KCNMB2: variants seen among roughly 807,000 people sequenced by gnomAD.
KCNMB2 encodes the protein calcium-activated potassium channel subunit beta-2.
A neutral mutation model predicts 24.5 loss-of-function variants in KCNMB2; 9 were observed. That is an observed-to-expected ratio of 0.37 (90% CI 0.22 to 0.64). The LOEUF (loss-of-function observed/expected upper bound fraction) is 0.64. KCNMB2 is among the 30% of genes least tolerant of loss of function. The pLI, the probability that KCNMB2 is intolerant of heterozygous loss-of-function variation, is 0.63. For missense variants in KCNMB2, 226 were observed against 284.3 expected (o/e 0.79, Z 1.47); for synonymous variants, 109 against 104.4 (o/e 1.04, Z -0.27).
chr3:178,758,042 CTAGATATATATATATA>C (rs770419154), intron 1 of KCNMB2, among the ~76,000 whole-genome samples: 442 of 2,630 alleles, frequency 0.17, 65 homozygotes, highest in East Asian at 0.31. Flanking sequence ...ATATATATAT[CTAGATATATATATATA>C]TCTCCAAGAG....
intron 1 of KCNMB2, among the ~76,000 whole-genome samples, chr3:178,798,224 G>C (rs1191625868): frequency 2.0e-5 from 3 of 152,068 alleles, no homozygotes; most frequent in Non-Finnish European, 4.4e-5. Flanking sequence ...GTTTTCAAGG[G>C]GAAGGCTTCC....
chr3:178,715,131 T>C (rs1235750926), intron 1 of KCNMB2, among the ~76,000 whole-genome samples: 3 of 152,194 alleles, frequency 2.0e-5, no homozygotes, highest in South Asian at 2.1e-4. Flanking sequence ...ATTTGAATAA[T>C]GGCCTGTGTT....
At chr3:178,651,971 G>T (rs551031020) in intron 1 of KCNMB2, among the ~76,000 whole-genome samples, 2 of 152,120 alleles carry the variant, frequency 1.3e-5, no homozygotes, top group Non-Finnish European at 2.9e-5. Context: ...AAAAACCCTA[G>T]AAGAAAACCT....
chr3:178,820,775 A>G (rs1477608105), intron 2 of KCNMB2: 1 of 152,366 alleles, frequency 6.6e-6, no homozygotes, highest in East Asian at 1.9e-4. Flanking sequence ...TGTTTACAAG[A>G]TATTTATCAC....
intron 3 of KCNMB2, 27 bp from the exon 4 acceptor site, chr3:178,828,151 T>C (rs1560038077): frequency 1.9e-6 from 3 of 1,573,606 alleles, no homozygotes; most frequent in Non-Finnish European, 2.6e-6. Flanking sequence ...CTTGGGCCTG[T>C]GTTTACTCTC....
chr3:178,540,787 C>A (rs2108446125), intron 1 of KCNMB2, among the ~76,000 whole-genome samples: 1 of 152,292 alleles, frequency 6.6e-6, no homozygotes, highest in Admixed American at 6.5e-5. Context: ...CCAGACAATG[C>A]TTTCTTTTTC....
intron 1 of KCNMB2, among the ~76,000 whole-genome samples, chr3:178,575,948 T>A (rs1191998970): frequency 2.0e-5 from 3 of 152,138 alleles, no homozygotes; most frequent in Non-Finnish European, 4.4e-5. Context: ...AGAAATATGA[T>A]TTTTAAGTCA....
At position 178,717,273 on chromosome 3, in the gene KCNMB2, AC is replaced by A. The variant is rs201452969; in HGVS notation, c.-67-90068del. Among the ~76,000 whole-genome samples the A allele has an allele frequency of 6.5e-3, 992 of 152,182 alleles. 16 individuals carry two copies. Among genetic ancestry groups the A allele is most frequent in the African/African-American group, 0.023 (939 of 41,528 alleles). On this transcript the variant is annotated intron_variant, in intron 1 of 4. Transcript: ENST00000452583. ...ACTTCCAGCACCACTGTGTTCATGAACCATTTACCTTCATCCTGCTTGCACC... is the reference window on the plus strand; with the variant it reads ...ACTTCCAGCACCACTGTGTTCATGAACATTTACCTTCATCCTGCTTGCACC...
intron 1 of KCNMB2, among the ~76,000 whole-genome samples, chr3:178,623,333 T>C (rs141664410): frequency 2.9e-3 from 440 of 152,302 alleles, no homozygotes; most frequent in South Asian, 8.7e-3. Context: ...AAAAGAAATG[T>C]TTGAAGCATT....
At chr3:178,784,694 A>T (rs13073878) in intron 1 of KCNMB2, among the ~76,000 whole-genome samples, 16,697 of 151,072 alleles carry the variant, frequency 0.11, 1,012 homozygotes, top group Non-Finnish European at 0.13. Flanking sequence ...ATCCAAAGAG[A>T]ATCATTATTC....
chr3:178,825,702 C>T lies in KCNMB2; in HGVS notation c.171C>T (p.Cys57=), dbSNP rs761741368. Residue 57 remains cysteine (C), a synonymous_variant, in exon 3 of 5, where the codon TGC becomes TGT. Transcript: ENST00000452583. The part of the protein sequence containing the change: ...AILLGLAMMV[C]SIMMYFLLGI... Reference sequence around the variant, plus strand: ...TCCTGGGACTGGCTATGATGGTGTGCTCCATCATGATGTATTTTCTGCTGG... The same window carrying T: ...TCCTGGGACTGGCTATGATGGTGTGTTCCATCATGATGTATTTTCTGCTGG... 6.2e-7 allele frequency: 1 copy of T among 1,613,836 alleles called. No individual in the cohort carries two copies. The highest frequency in any genetic ancestry group is 2.2e-5 in the East Asian group (1 of 44,888).
chr3:178,556,213 A>G (rs1049824971), intron 1 of KCNMB2, among the ~76,000 whole-genome samples: 1 of 152,218 alleles, frequency 6.6e-6, no homozygotes, highest in Non-Finnish European at 1.5e-5. Flanking sequence ...AGATGAGGAT[A>G]TATCCTGGTG....
chr3:178,707,901 C>A (rs1722331154), intron 1 of KCNMB2, among the ~76,000 whole-genome samples: 1 of 152,158 alleles, frequency 6.6e-6, no homozygotes, highest in Non-Finnish European at 1.5e-5. Context: ...CCAGGACAGT[C>A]CAAGTAAGGC....
At chr3:178,677,434 C>T (rs1359533428) in intron 1 of KCNMB2, among the ~76,000 whole-genome samples, 2 of 152,194 alleles carry the variant, frequency 1.3e-5, no homozygotes, top group African/African-American at 2.4e-5. Context: ...TAAGCCTGGG[C>T]ACGTGGGAAG....
intron 1 of KCNMB2, among the ~76,000 whole-genome samples, chr3:178,780,344 C>T (rs570934897): frequency 3.3e-4 from 51 of 152,268 alleles, no homozygotes; most frequent in East Asian, 2.1e-3. Context: ...TTTTCTCCAA[C>T]GATCTTAATC....
chr3:178,759,602 A>AGGATATATATACATATATCTCTCTCCAC lies in KCNMB2; in HGVS notation c.-67-47740_-67-47739insGATATATATACATATATCTCTCTCCACG, dbSNP rs1560009304. Among the ~76,000 whole-genome samples, 34 of 109,156 alleles carry AGGATATATATACATATATCTCTCTCCAC rather than the reference A, an allele frequency of 3.1e-4. 2 individuals are homozygous for AGGATATATATACATATATCTCTCTCCAC. Among genetic ancestry groups the AGGATATATATACATATATCTCTCTCCAC allele is most frequent in the South Asian group, 1.4e-3 (5 of 3,496 alleles). The allele number at this position is 109,156 out of a possible 152,430, so 71.6% of individuals were successfully genotyped here. Reference sequence around the variant, plus strand: ...ATATATATACATATATCTCTCTCCAAGAGGATATATATACATATATCTCTC... The same window carrying AGGATATATATACATATATCTCTCTCCAC: ...ATATATATACATATATCTCTCTCCAAGGATATATATACATATATCTCTCTCCACGAGGATATATATACATATATCTCTC... On this transcript the variant is annotated intron_variant, in intron 1 of 4. Transcript: ENST00000452583.
intron 1 of KCNMB2, among the ~76,000 whole-genome samples, chr3:178,800,299 A>G (rs1713725079): frequency 6.6e-6 from 1 of 152,202 alleles, no homozygotes; most frequent in African/African-American, 2.4e-5. Flanking sequence ...ATTAGTAACC[A>G]GAATATGTAA....
In KCNMB2 at chr3:178,727,145, A is replaced by G. The variant is rs76759091; in HGVS notation, c.-67-80198A>G. Among the ~76,000 whole-genome samples the G allele has an allele frequency of 4.3e-4, 66 of 152,264 alleles. No individual in the cohort carries two copies. In the East Asian group the frequency reaches 0.012, roughly 28 times the overall value. ...AAATAGCCATATACCCTTTTGAAATACCAAGGAAATATCTATTCTAGCTCT... is the reference window on the plus strand; with the variant it reads ...AAATAGCCATATACCCTTTTGAAATGCCAAGGAAATATCTATTCTAGCTCT... On this transcript the variant is annotated intron_variant, in intron 1 of 4. Coordinates refer to ENST00000452583, the MANE Select transcript of KCNMB2 (RefSeq NM_181361.3).
chr3:178,540,297 C>T (rs1351341964), intron 1 of KCNMB2, among the ~76,000 whole-genome samples: 2 of 152,200 alleles, frequency 1.3e-5, no homozygotes, highest in African/African-American at 2.4e-5. Context: ...CCACTCTGGG[C>T]AAGTCACTAC....
Sources: allele counts gnomAD v4.1 joint callset (sites outside exome capture counted in the v4.1 genomes callset), GRCh38; gene constraint gnomAD v4.1.1; transcripts MANE v1.5; gene names NCBI Gene and HGNC (gene_info 2026-07-23, HGNC 2026-07-21).